Variants in GABBR1 observed in about 807,000 individuals in gnomAD.
GABBR1 encodes gamma-aminobutyric acid type B receptor subunit 1.
A neutral mutation model predicts 117.7 loss-of-function variants in GABBR1; 35 were observed. The observed-to-expected ratio is 0.30, with a 90% confidence interval of 0.23 to 0.39. The LOEUF (loss-of-function observed/expected upper bound fraction) is 0.39. Among genes scored for constraint, GABBR1 ranks in the 10% least tolerant of loss-of-function variants. GABBR1 has a pLI of 1.00. For missense variants in GABBR1, 709 were observed against 1,241.8 expected (o/e 0.57, Z 6.45); for synonymous variants, 442 against 486.6 (o/e 0.91, Z 1.21).
Position 29,621,624 on chromosome 6 carries a change from G to A in GABBR1, c.1131+128C>T, listed in dbSNP as rs1763756774. 1.3e-6 allele frequency: 1 copy of A among 795,116 alleles called. No individual in the cohort carries two copies. Among genetic ancestry groups the A allele is most frequent in the African/African-American group, 1.7e-5 (1 of 57,568 alleles). 49.3% of individuals were successfully genotyped at this position (795,116 alleles called of 1,614,324 possible). ...GATGCAGTCAGAGCCAACAGACAGA[G>A]ACATCCTATGAATCGTCACCTCAGA... On this transcript the variant is annotated intron_variant, in intron 10 of 22. Transcript: ENST00000377034. The surrounding 1 kb of genome is among the most constrained non-coding windows in gnomAD (Gnocchi z 5.0).
At chr6:29,612,806 G>C (rs573432120) in intron 12 of GABBR1, among the ~76,000 whole-genome samples, 192 bp from the exon 13 acceptor site, 1 of 152,184 alleles carries the variant, frequency 6.6e-6, no homozygotes, top group Non-Finnish European at 1.5e-5. Context: ...TTATTCTTTG[G>C]AGAAGGAGCT....
chr6:29,606,880 C>A lies in GABBR1; in HGVS notation c.2217+17G>T. 6.2e-7 allele frequency: 1 copy of A among 1,605,432 alleles called. No homozygotes were observed. Among genetic ancestry groups the A allele is most frequent in the African/African-American group, 1.3e-5 (1 of 74,906 alleles). On this transcript the variant is annotated intron_variant, in intron 18 of 22. Transcript: ENST00000377034. This position sits in a 1 kb window ranked among gnomAD's most constrained non-coding sequence, Gnocchi z 4.5. ...CTGCTCATTCTCCTGACCATAGCACCTCCTCTCCAGTGGTACCTCAATGGT... is the reference window on the plus strand; with the variant it reads ...CTGCTCATTCTCCTGACCATAGCACATCCTCTCCAGTGGTACCTCAATGGT...
Position 29,602,927 on chromosome 6 carries a change from A to G in GABBR1, c.*616T>C. On this transcript the variant is annotated 3_prime_UTR_variant, in exon 23 of 23. Coordinates refer to ENST00000377034, the MANE Select transcript of GABBR1 (RefSeq NM_001470.4). ...GTACACATGAGCATGTTCAGTGGGC[A>G]CACGCAGGAGAGGGGAGGATGCATG... The G allele has an allele frequency of 2.3e-6, 1 of 443,094 alleles. No homozygotes were observed. Among genetic ancestry groups the G allele is most frequent in the Non-Finnish European group, 4.5e-6 (1 of 221,078 alleles). 27.4% of individuals were successfully genotyped at this position (443,094 alleles called of 1,614,324 possible).
chr6:29,622,418 G>A lies in GABBR1; in HGVS notation c.964-213C>T. 1.7e-6 allele frequency: 1 copy of A among 575,730 alleles called. No individual in the cohort carries two copies. Among genetic ancestry groups the A allele is most frequent in the South Asian group, 2.2e-5 (1 of 45,642 alleles). The allele number at this position is 575,730 out of a possible 1,614,324, so 35.7% of individuals were successfully genotyped here. Reference sequence around the variant, plus strand: ...GATTCCAAGTGGGAAGGTGAATGGTGAGCCCCTGCTGAGGCTCTGTGTGGG... The same window carrying A: ...GATTCCAAGTGGGAAGGTGAATGGTAAGCCCCTGCTGAGGCTCTGTGTGGG... On this transcript the variant is annotated intron_variant, in intron 8 of 22. Transcript: ENST00000377034. This position sits in a 1 kb window ranked among gnomAD's most constrained non-coding sequence, Gnocchi z 4.6.
In GABBR1 at chr6:29,606,498, A is replaced by G; in HGVS notation, c.2218-14T>C. On this transcript the variant is annotated splice_polypyrimidine_tract_variant and intron_variant, in intron 18 of 22. Transcript: ENST00000377034. This position sits in a 1 kb window ranked among gnomAD's most constrained non-coding sequence, Gnocchi z 4.5. ...CTTGGCAAATGTCTAGGGCAGAAAC[A>G]AGGTCACAAGAAAGATGGTTGCCAG... The G allele has an allele frequency of 6.4e-7, 1 of 1,573,310 alleles. No homozygotes were observed. Among genetic ancestry groups the G allele is most frequent in the Non-Finnish European group, 8.7e-7 (1 of 1,143,688 alleles).
At position 29,630,452 on chromosome 6, in the gene GABBR1, C is replaced by T; in HGVS notation, c.475+6G>A. On this transcript the variant is annotated splice_donor_region_variant and intron_variant, in intron 4 of 22. Transcript: ENST00000377034. The surrounding 1 kb of genome is among the most constrained non-coding windows in gnomAD (Gnocchi z 4.9). ...TCAGCTGCATGCAGGCAGCTGTTCC[C>T]CTCACCCTGGCAGTGGGGCTTGGGG... 1 of 1,609,140 alleles carries T rather than the reference C, an allele frequency of 6.2e-7. No homozygotes were observed. The highest frequency in any genetic ancestry group is 1.1e-5 in the South Asian group (1 of 91,004).
chr6:29,630,375 C>A lies in GABBR1; in HGVS notation c.475+83G>T, dbSNP rs1386889507. 6.4e-6 allele frequency: 8 copies of A among 1,255,538 alleles called. No homozygotes were observed. The highest frequency in any genetic ancestry group is 1.5e-5 in the African/African-American group (1 of 67,386). 77.8% of individuals were successfully genotyped at this position (1,255,538 alleles called of 1,614,324 possible). On this transcript the variant is annotated intron_variant, in intron 4 of 22. Coordinates refer to ENST00000377034, the MANE Select transcript of GABBR1 (RefSeq NM_001470.4). This position sits in a 1 kb window ranked among gnomAD's most constrained non-coding sequence, Gnocchi z 4.9. ...CCCCACATTTTTATAGCTCTCCATT[C>A]TTTCCCATTATCCATTCCCACCCCA... is the stretch of plus-strand genomic sequence containing the variant.
Position 29,622,184 on chromosome 6 carries a change from G to A in GABBR1, c.985C>T (p.Arg329Ter), listed in dbSNP as rs754938606. 4 of 1,613,836 alleles carry A rather than the reference G, an allele frequency of 2.5e-6. No individual in the cohort carries two copies. Among genetic ancestry groups the A allele is most frequent in the Non-Finnish European group, 2.5e-6 (3 of 1,179,874 alleles). The change falls in exon 9 of 23, where the codon CGA becomes TGA. Residue 329 changes from arginine (R) to a stop codon, truncating the protein, a stop_gained. Coordinates refer to ENST00000377034, the MANE Select transcript of GABBR1 (RefSeq NM_001470.4). LOFTEE classifies it high-confidence loss of function. This position sits in a 1 kb window ranked among gnomAD's most constrained non-coding sequence, Gnocchi z 4.6. Reference protein sequence around the residue: ...FTSTLDDLEERVKEAGIEITF... With the variant: ...FTSTLDDLEE ...ATCTCAATTCCAGCCTCCTTCACTC[G>A]TTCCTCCAGGTCGTCCAGAGTCTTG...
Position 29,605,146 on chromosome 6 carries a change from G to A in GABBR1, c.2440-158C>T. On this transcript the variant is annotated intron_variant, in intron 20 of 22. Transcript: ENST00000377034. The surrounding 1 kb of genome is among the most constrained non-coding windows in gnomAD (Gnocchi z 4.2). ...AGGATCATCCTCAAATATAGATTGAGAAAAATCTCAAACTGTCCCAAACCA... is the reference window on the plus strand; with the variant it reads ...AGGATCATCCTCAAATATAGATTGAAAAAAATCTCAAACTGTCCCAAACCA... 2 of 810,810 alleles carry A rather than the reference G, an allele frequency of 2.5e-6. No individual in the cohort carries two copies. The highest frequency in any genetic ancestry group is 3.7e-6 in the Non-Finnish European group (2 of 535,618). 50.2% of individuals were successfully genotyped at this position (810,810 alleles called of 1,614,324 possible). A position where few individuals can be genotyped will look rare whatever the true frequency, so the allele number is the denominator to read the frequency against.
intron 15 of GABBR1, among the ~76,000 whole-genome samples, chr6:29,608,988 T>G (rs1762253422): frequency 6.6e-6 from 1 of 152,218 alleles, no homozygotes; most frequent in African/African-American, 2.4e-5. Flanking sequence ...AGTCCAAGAC[T>G]GTGAGACCTG....
At chr6:29,614,780 T>C (rs1049131311) in intron 11 of GABBR1, among the ~76,000 whole-genome samples, 1 of 152,156 alleles carries the variant, frequency 6.6e-6, no homozygotes, top group Non-Finnish European at 1.5e-5. Flanking sequence ...TCCAAACCCA[T>C]AGAATATATA....
Position 29,613,307 on chromosome 6 carries a change from T to C in GABBR1, c.1502A>G (p.Asn501Ser). The C allele has an allele frequency of 6.2e-7, 1 of 1,613,062 alleles. No individual in the cohort carries two copies. The change falls in exon 12 of 23, where the codon AAC becomes AGC. Residue 501 changes from asparagine (N) to serine (S), a missense_variant. This residue lies in a region of GABBR1 where 38 missense variants were observed against 47.7 expected (regional missense o/e 0.80). Coordinates refer to ENST00000377034, the MANE Select transcript of GABBR1 (RefSeq NM_001470.4). The surrounding 1 kb of genome is among the most constrained non-coding windows in gnomAD (Gnocchi z 4.1). ...GATTTGGTCGGTAATGGTCTGGTTG[T>C]TGTAGTTGAAGTCCTCCAGGCGCAC... ...SGVRLEDFNY[N>S]NQTITDQIYR...
chr6:29,612,251 A>C (rs1762622990), intron 13 of GABBR1, among the ~76,000 whole-genome samples: 1 of 150,952 alleles, frequency 6.6e-6, no homozygotes, highest in Non-Finnish European at 1.5e-5. Flanking sequence ...GACCATGATC[A>C]TGATCTGCCT....
chr6:29,604,750 G>A lies in GABBR1; in HGVS notation c.2568+110C>T. Reference sequence around the variant, plus strand: ...GATAAGAGTTGGGCCCAAAACAAGGGGAGGAGTGAGAGGAGGGTGAACGGA... The same window carrying A: ...GATAAGAGTTGGGCCCAAAACAAGGAGAGGAGTGAGAGGAGGGTGAACGGA... On this transcript the variant is annotated intron_variant, in intron 21 of 22. Transcript: ENST00000377034. The surrounding 1 kb of genome is among the most constrained non-coding windows in gnomAD (Gnocchi z 5.3). 6.3e-7 allele frequency: 1 copy of A among 1,588,976 alleles called. No homozygotes were observed. Among genetic ancestry groups the A allele is most frequent in the Non-Finnish European group, 8.6e-7 (1 of 1,163,318 alleles).
In GABBR1 at chr6:29,630,588, C is replaced by T; in HGVS notation, c.345G>A (p.Thr115=). 1.9e-6 allele frequency: 3 copies of T among 1,613,046 alleles called. No individual in the cohort carries two copies. The highest frequency in any genetic ancestry group is 2.2e-5 in the South Asian group (2 of 91,084). ...CGTCCAGAGCTGGGAGGTCCCCACC[C>T]GTCAGGAAAACCTTCCCATTTTCCA... The part of the protein sequence containing the change: ...LTLENGKVFL[T]GGDLPALDGA... The change falls in exon 4 of 23, where the codon ACG becomes ACA. Residue 115 remains threonine, a synonymous_variant. Coordinates refer to ENST00000377034, the MANE Select transcript of GABBR1 (RefSeq NM_001470.4). This position sits in a 1 kb window ranked among gnomAD's most constrained non-coding sequence, Gnocchi z 4.9.
chr6:29,626,458 C>T (rs1021084283), intron 6 of GABBR1, among the ~76,000 whole-genome samples: 1 of 152,032 alleles, frequency 6.6e-6, no homozygotes, highest in Non-Finnish European at 1.5e-5. Flanking sequence ...TTCCCTGTGT[C>T]ACATCCTTCC....
Position 29,623,941 on chromosome 6 carries a change from G to A in GABBR1, c.741C>T (p.Ser247=), listed in dbSNP as rs1764014675. The change falls in exon 7 of 23, where the codon AGC becomes AGT. Residue 247 remains serine (S), a synonymous_variant. Transcript: ENST00000377034. This position sits in a 1 kb window ranked among gnomAD's most constrained non-coding sequence, Gnocchi z 6.2. ...CCTCAGCCACCAGCGTGGAGACAGA[G>A]CTGCAGCCAGGCATAAGGATGATCT... is the stretch of plus-strand genomic sequence containing the variant. ...PIKIILMPGC[S]SVSTLVAEAA... The A allele has an allele frequency of 6.2e-7, 1 of 1,612,908 alleles. No individual in the cohort carries two copies. Among genetic ancestry groups the A allele is most frequent in the South Asian group, 1.1e-5 (1 of 91,082 alleles).
Position 29,621,742 on chromosome 6 carries a change from C to A in GABBR1, c.1131+10G>T, listed in dbSNP as rs773682016. 3.7e-6 allele frequency: 6 copies of A among 1,612,882 alleles called. No homozygotes were observed. In the Admixed American group the frequency reaches 1.0e-4, roughly 27 times the overall value. On this transcript the variant is annotated intron_variant, in intron 10 of 22. Transcript: ENST00000377034. This position sits in a 1 kb window ranked among gnomAD's most constrained non-coding sequence, Gnocchi z 5.0. Reference sequence around the variant, plus strand: ...ACCCAGTGCCCCTCCCTCTTCAGATCCAACTCCACCTCACAAAAAACTTTC... The same window carrying A: ...ACCCAGTGCCCCTCCCTCTTCAGATACAACTCCACCTCACAAAAAACTTTC...
Position 29,609,310 on chromosome 6 carries a change from A to G in GABBR1, c.1778T>C (p.Ile593Thr). 6.2e-7 allele frequency: 1 copy of G among 1,613,040 alleles called. No homozygotes were observed. The highest frequency in any genetic ancestry group is 1.6e-4 in the Middle Eastern group (1 of 6,062). The part of the protein sequence containing the change: ...TFRFLSQKLF[I>T]SVSVLSSLGI... ...CAGGCTGGAGAGAACTGAGACGGAG[A>G]TAAAGAGTTTCTGTGACAGGAAGCG... Residue 593 changes from isoleucine to threonine, a missense_variant, in exon 15 of 23, where the codon ATC becomes ACC. By Grantham distance (89) the Ile-to-Thr change is moderately conservative. Around this residue, in one of 9 missense-constraint regions of GABBR1, gnomAD observed 251 missense variants for 445.3 expected, o/e 0.56. Coordinates refer to ENST00000377034, the MANE Select transcript of GABBR1 (RefSeq NM_001470.4). The surrounding 1 kb of genome is among the most constrained non-coding windows in gnomAD (Gnocchi z 4.3).
Sources: gnomAD v4.1 joint callset for allele counts (sites outside exome capture counted in the v4.1 genomes callset) on GRCh38, gnomAD v4.1.1 for gene constraint, gnomAD v4.1.1 regional missense constraint, Gnocchi (gnomAD v3.1) non-coding constraint, MANE v1.5 for transcripts, NCBI Gene and HGNC (gene_info 2026-07-23, HGNC 2026-07-21) for gene names.